Variants in PRKN observed in about 807,000 individuals in gnomAD.
The protein encoded by PRKN is parkin RBR E3 ubiquitin protein ligase.
PRKN carries 56 observed loss-of-function variants against 59.5 expected under a neutral mutation model. The observed-to-expected ratio is 0.94, with a 90% CI of 0.76 to 1.18. The LOEUF is 1.18. PRKN is among the 50% of genes most tolerant of loss of function. The pLI is 0.00. For missense variants in PRKN, 657 were observed against 596.4 expected (o/e 1.10, Z -1.06); for synonymous variants, 250 against 222.1 (o/e 1.13, Z -1.12).
intron 4 of PRKN, among the ~76,000 whole-genome samples, chr6:162,108,235 A>G (rs1488260495): frequency 6.6e-6 from 1 of 152,186 alleles, no homozygotes. Context: ...AAAGAGAAAG[A>G]CAAGCCTTTG....
intron 4 of PRKN, among the ~76,000 whole-genome samples, chr6:162,166,919 A>G (rs1452763164): frequency 6.6e-6 from 1 of 152,078 alleles, no homozygotes; most frequent in Admixed American, 6.6e-5. Flanking sequence ...GCTTTGCTTT[A>G]TTTTCCATCT....
chr6:161,689,252 G>A (rs532800619), intron 7 of PRKN, among the ~76,000 whole-genome samples: 1 of 149,968 alleles, frequency 6.7e-6, no homozygotes, highest in South Asian at 2.1e-4. Context: ...CCCAGATCCC[G>A]GTTCCCTCAA....
In PRKN at chr6:161,376,879, AC is replaced by A. The variant is rs1206122809; in HGVS notation, c.1167+9914del. On this transcript the variant is annotated intron_variant, in intron 10 of 11. Transcript: ENST00000366898. This position sits in a 1 kb window ranked among gnomAD's most constrained non-coding sequence, Gnocchi z 7.3. ...CTCCTGGGAACCTATAACCTGTGGCACTTGGTGCCTGGATAGTCCTAGGAAG... is the reference window on the plus strand; with the variant it reads ...CTCCTGGGAACCTATAACCTGTGGCATTGGTGCCTGGATAGTCCTAGGAAG... Among the ~76,000 whole-genome samples, 3 of 152,202 alleles carry A rather than the reference AC, an allele frequency of 2.0e-5. No homozygotes were observed. Among genetic ancestry groups the A allele is most frequent in the African/African-American group, 7.2e-5 (3 of 41,446 alleles).
chr6:162,117,406 G>A (rs1183345383), intron 4 of PRKN, among the ~76,000 whole-genome samples: 1 of 152,204 alleles, frequency 6.6e-6, no homozygotes, highest in Non-Finnish European at 1.5e-5. Flanking sequence ...CCACGCTGTG[G>A]CCCTTTCCCT....
At chr6:161,808,098 T>C (rs570805575) in intron 6 of PRKN, among the ~76,000 whole-genome samples, 229 of 152,314 alleles carry the variant, frequency 1.5e-3, no homozygotes, top group African/African-American at 5.4e-3. Context: ...CCCTAACTTT[T>C]ACCATTGCAT....
chr6:161,369,944 C>A lies in PRKN; in HGVS notation c.1168-9739G>T. The A allele has an allele frequency of 2.3e-6, 1 of 428,726 alleles. No homozygotes were observed. Among genetic ancestry groups the A allele is most frequent in the Non-Finnish European group, 4.9e-6 (1 of 205,902 alleles). The allele number at this position is 428,726 out of a possible 1,614,324, so 26.6% of individuals were successfully genotyped here. A position where few individuals can be genotyped will look rare whatever the true frequency, so the allele number is the denominator to read the frequency against. The stretch of plus-strand genomic sequence containing the variant: ...TCACAAGGGTCATCGTGAGTAAGAT[C>A]AACACACAAACGGCTTAGCACAGAG... On this transcript the variant is annotated intron_variant, in intron 10 of 11. Coordinates refer to ENST00000366898, the MANE Select transcript of PRKN (RefSeq NM_004562.3). The surrounding 1 kb of genome is among the most constrained non-coding windows in gnomAD (Gnocchi z 5.8).
rs1404289789 is a variant in PRKN at position 161,373,977 on chromosome 6, C to G, written c.1167+12817G>C. On this transcript the variant is annotated intron_variant, in intron 10 of 11. Coordinates refer to ENST00000366898, the MANE Select transcript of PRKN (RefSeq NM_004562.3). The surrounding 1 kb of genome is among the most constrained non-coding windows in gnomAD (Gnocchi z 4.8). ...GGGGTGCCTTTCAAAGTGGCGTTCACTCCCTTTTCCCCCAGGTCATTTTAT... is the reference window on the plus strand; with the variant it reads ...GGGGTGCCTTTCAAAGTGGCGTTCAGTCCCTTTTCCCCCAGGTCATTTTAT... Among the ~76,000 whole-genome samples, 4 of 152,172 alleles carry G rather than the reference C, an allele frequency of 2.6e-5. No individual in the cohort carries two copies. The highest frequency in any genetic ancestry group is 2.6e-4 in the Admixed American group (4 of 15,282).
chr6:162,298,064 G>A (rs995396468), intron 2 of PRKN, among the ~76,000 whole-genome samples: 13 of 152,102 alleles, frequency 8.5e-5, no homozygotes, highest in Non-Finnish European at 1.5e-4. Context: ...TGTGCCCTCA[G>A]AGGTTGACAC....
chr6:162,295,436 C>G (rs1781627131), intron 2 of PRKN, among the ~76,000 whole-genome samples: 1 of 152,184 alleles, frequency 6.6e-6, no homozygotes, highest in Non-Finnish European at 1.5e-5. Context: ...CACACAGGCC[C>G]TGTGGTCTGA....
intron 6 of PRKN, among the ~76,000 whole-genome samples, chr6:161,877,855 G>A (rs150170402): frequency 6.6e-6 from 1 of 152,200 alleles, no homozygotes; most frequent in African/African-American, 2.4e-5. Flanking sequence ...TGGCATGTGG[G>A]GTGGACAGGC....
At chr6:162,616,947 T>C (rs910241953) in intron 1 of PRKN, among the ~76,000 whole-genome samples, 1 of 152,174 alleles carries the variant, frequency 6.6e-6, no homozygotes, top group African/African-American at 2.4e-5. Context: ...CTGAAATTGA[T>C]CAACTGCAGT....
At chr6:162,080,989 T>G (rs1779032378) in intron 4 of PRKN, among the ~76,000 whole-genome samples, 1 of 152,084 alleles carries the variant, frequency 6.6e-6, no homozygotes, top group Admixed American at 6.6e-5. Flanking sequence ...TGTTCTTCCA[T>G]AAGAAGCAAC....
At chr6:162,285,917 C>T (rs79184789) in intron 2 of PRKN, among the ~76,000 whole-genome samples, 10,117 of 152,104 alleles carry the variant, frequency 0.067, 445 homozygotes, top group Middle Eastern at 0.16. Context: ...TGTGTGGCGG[C>T]GGGGGCATAG....
chr6:162,292,157 T>A (rs1193286177), intron 2 of PRKN, among the ~76,000 whole-genome samples: 1 of 151,786 alleles, frequency 6.6e-6, no homozygotes, highest in Non-Finnish European at 1.5e-5. Context: ...AGAGACAAGG[T>A]TTCACTACAT....
chr6:161,992,732 T>C (rs1270148678), intron 5 of PRKN, among the ~76,000 whole-genome samples: 1 of 152,120 alleles, frequency 6.6e-6, no homozygotes, highest in African/African-American at 2.4e-5. Context: ...TTTGTTAAAA[T>C]CAAAATCATA....
chr6:161,635,468 G>A (rs143083876), intron 7 of PRKN, among the ~76,000 whole-genome samples: 62 of 152,198 alleles, frequency 4.1e-4, no homozygotes, highest in African/African-American at 1.3e-3. Context: ...TAATAAACCC[G>A]AATCCTCTCT....
At chr6:162,484,175 A>T (rs4709631) in intron 1 of PRKN, among the ~76,000 whole-genome samples, 5 of 152,058 alleles carry the variant, frequency 3.3e-5, no homozygotes, top group African/African-American at 9.7e-5. Flanking sequence ...TCCCACTGTA[A>T]ATCCTAGTGG....
chr6:162,636,311 T>C (rs1474391364), intron 1 of PRKN, among the ~76,000 whole-genome samples: 1 of 151,914 alleles, frequency 6.6e-6, no homozygotes, highest in Non-Finnish European at 1.5e-5. Context: ...ATGAAATAAA[T>C]AGCACCAAAT....
At chr6:162,412,900 T>A (rs1165963601) in intron 2 of PRKN, among the ~76,000 whole-genome samples, 1 of 152,192 alleles carries the variant, frequency 6.6e-6, no homozygotes, top group African/African-American at 2.4e-5. Flanking sequence ...GCCAACTTGT[T>A]TTGCATTAAA....
Sources: allele counts gnomAD v4.1 joint callset (sites outside exome capture counted in the v4.1 genomes callset), GRCh38; gene constraint gnomAD v4.1.1; non-coding constraint Gnocchi (gnomAD v3.1); transcripts MANE v1.5; gene names NCBI Gene and HGNC (gene_info 2026-07-23, HGNC 2026-07-21).